The following CARD6 variants were observed in gnomAD, a reference collection of about 807,000 sequenced individuals.
CARD6 encodes caspase recruitment domain-containing protein 6.
A neutral mutation model predicts 23.6 loss-of-function variants in CARD6; 27 were observed. That is an observed-to-expected ratio of 1.14 (90% CI 0.84 to 1.58). CARD6 has a LOEUF of 1.58. Ranked by LOEUF, CARD6 falls within the 40% of genes most tolerant of loss-of-function variation. CARD6 has a pLI of 0.00. For synonymous variants in CARD6, 397 were observed against 431.8 expected, an observed-to-expected ratio of 0.92 and a Z score of 1.00; for missense variants, 1,214 against 1,209.9, an observed-to-expected ratio of 1.00 and a Z score of -0.05.
At chr5:40,850,721 CAA>C (rs34372703) in intron 2 of CARD6, among the ~76,000 whole-genome samples, 35 of 46,534 alleles carry the variant, frequency 7.5e-4, no homozygotes, top group African/African-American at 2.8e-3. Context: ...ACTCCGTCTC[CAA>C]AAAAAAAAAA....
At position 40,853,627 on chromosome 5, in the gene CARD6, G is replaced by T. The variant is rs780955753; in HGVS notation, c.2295G>T (p.Trp765Cys). ...RPFGSEQRPK[W>C]FHPLPFQNAG... ...TTGGGTCAGAGCAGAGGCCTAAGTG[G>T]TTCCATCCTTTGCCTTTTCAGAATG... Residue 765 changes from tryptophan (W) to cysteine (C), a missense_variant, in exon 3 of 3, where the codon TGG (tryptophan) becomes TGT (cysteine). Transcript: ENST00000254691. 1 of 1,614,246 alleles carries T rather than the reference G, an allele frequency of 6.2e-7. No individual in the cohort carries two copies. The highest frequency in any genetic ancestry group is 1.1e-5 in the South Asian group (1 of 91,088).
chr5:40,851,858 T>A (rs921200837), intron 2 of CARD6, among the ~76,000 whole-genome samples: 8 of 151,826 alleles, frequency 5.3e-5, no homozygotes, highest in African/African-American at 9.7e-5. Flanking sequence ...ATTTTAAAAG[T>A]CAGGCTGGGC....
chr5:40,852,485 T>C lies in CARD6; in HGVS notation c.1153T>C (p.Cys385Arg), dbSNP rs1746085889. ...TGACGTGCTTTGTGCCACCATGCTG[T>C]GTTCAGATAGCTCTTTGCAACGCCA... ...PLDVLCATML[C>R]SDSSLQRQVM... Residue 385 changes from cysteine (C) to arginine (R), a missense_variant, in exon 3 of 3, where the codon TGT (cysteine) becomes CGT (arginine). Transcript: ENST00000254691. The C allele has an allele frequency of 6.2e-7, 1 of 1,614,198 alleles. No individual in the cohort carries two copies. Among genetic ancestry groups the C allele is most frequent in the Non-Finnish European group, 8.5e-7 (1 of 1,180,020 alleles).
rs1237609562 is a variant in CARD6 at position 40,852,429 on chromosome 5, A to G, written c.1097A>G (p.Glu366Gly). 1 of 1,614,014 alleles carries G rather than the reference A, an allele frequency of 6.2e-7. No homozygotes were observed. Among genetic ancestry groups the G allele is most frequent in the African/African-American group, 1.3e-5 (1 of 74,908 alleles). The change falls in exon 3 of 3, where the codon GAA becomes GGA. Residue 366 changes from glutamate (E) to glycine (G), a missense_variant. By Grantham distance (98) the Glu-to-Gly change is moderately conservative (BLOSUM62 -2). Transcript: ENST00000254691. ...TTGCTGGCTGGAGTGGAGAATTTGG[A>G]AATTCGAGACATACAAACCATTAAT... is the stretch of plus-strand genomic sequence containing the variant. ...EDLLAGVENL[E>G]IRDIQTINPL...
rs139926562 is a variant in CARD6 at position 40,853,454 on chromosome 5, C to A, written c.2122C>A (p.Gln708Lys). Residue 708 changes from glutamine to lysine, a missense_variant, in exon 3 of 3, where the codon CAA becomes AAA. Gln to Lys is a moderately conservative substitution (Grantham distance 53). Transcript: ENST00000254691. The part of the protein sequence containing the change: ...ALMPIQEPGT[Q>K]CELSQNLQNL... The stretch of plus-strand genomic sequence containing the variant: ...AATGCCAATTCAAGAGCCTGGGACT[C>A]AATGTGAGCTCAGCCAGAATCTTCA... The A allele has an allele frequency of 1.2e-6, 2 of 1,614,078 alleles. No homozygotes were observed. Among genetic ancestry groups the A allele is most frequent in the Admixed American group, 1.7e-5 (1 of 60,004 alleles).
chr5:40,852,370 T>C lies in CARD6; in HGVS notation c.1038T>C (p.Ser346=). The change falls in exon 3 of 3, where the codon AGT becomes AGC. Residue 346 remains serine (S), a synonymous_variant. Transcript: ENST00000254691. ...RDVTARDSIL[S]HKVLDEDSKE... is the part of the protein sequence containing the mutation. ...TGACGGCTAGGGATTCAATCCTCAG[T>C]CACAAGGTTCTGGATGAAGATAGCA... is the stretch of plus-strand genomic sequence containing the variant. 1 of 1,614,062 alleles carries C rather than the reference T, an allele frequency of 6.2e-7. No individual in the cohort carries two copies. Among genetic ancestry groups the C allele is most frequent in the South Asian group, 1.1e-5 (1 of 91,066 alleles).
rs777712598 is a variant in CARD6 at position 40,852,722 on chromosome 5, A to C, written c.1390A>C (p.Ser464Arg). The C allele has an allele frequency of 6.2e-7, 1 of 1,613,756 alleles. No homozygotes were observed. The highest frequency in any genetic ancestry group is 8.5e-7 in the Non-Finnish European group (1 of 1,179,826). The change falls in exon 3 of 3, where the codon AGC (serine) becomes CGC (arginine). Residue 464 changes from serine (S) to arginine (R), a missense_variant. Coordinates refer to ENST00000254691, the MANE Select transcript of CARD6 (RefSeq NM_032587.4). ...CTCTTTTGTGCGTCTAGGATACTGT[A>C]GCTTCTCTAAGTCCAGAATCCTCAA... ...VISFVRLGYCSFSKSRILNTL... is the reference protein window; with the variant it reads ...VISFVRLGYCRFSKSRILNTL...
rs183781648 is a variant in CARD6, at chr5:40,843,694, G to C, written c.826G>C (p.Glu276Gln). 9.1e-6 allele frequency: 14 copies of C among 1,543,394 alleles called. No individual in the cohort carries two copies. The African/African-American group carries it at 1.1e-4, about 12-fold the overall frequency. ...ETSLSLEEEQ[E>Q]KSIEERKKVF... ...CAGCCTTTCATTGGAGGAGGAACAG[G>C]AGAAAAGTATAGAAGGTATGGAAAT... Residue 276 changes from glutamate to glutamine, a missense_variant, in exon 2 of 3, where the codon GAG becomes CAG. By Grantham distance (29) the Glu-to-Gln change is conservative (BLOSUM62 2). Coordinates refer to ENST00000254691, the MANE Select transcript of CARD6 (RefSeq NM_032587.4).
intron 1 of CARD6, among the ~76,000 whole-genome samples, 157 bp downstream of exon 1, chr5:40,841,822 A>C (rs1190914828): frequency 1.3e-5 from 2 of 152,234 alleles, no homozygotes; most frequent in Non-Finnish European, 2.9e-5. Flanking sequence ...ACTGGAATTT[A>C]AAAAGTTTCT....
chr5:40,843,151 G>T lies in CARD6; in HGVS notation c.284-1G>T. ...GGGAAAAACAATTCTTTTCTTTGCA[G>T]AAGTTTTAAAACATGAGAATACAGT... On this transcript the variant is annotated splice_acceptor_variant, in intron 1 of 2. Transcript: ENST00000254691. LOFTEE classifies it high-confidence loss of function. The T allele has an allele frequency of 6.4e-7, 1 of 1,562,976 alleles. No homozygotes were observed. The highest frequency in any genetic ancestry group is 8.6e-7 in the Non-Finnish European group (1 of 1,160,326).
rs1049025549 is a variant in CARD6, at chr5:40,852,673, G to A, written c.1341G>A (p.Leu447=). ...CTACAGAGGATACAGAAAAGTTTCT[G>A]ACTCTCATGAAGATGCCTGTCATCT... ...GGPTEDTEKF[L]TLMKMPVISF... The change falls in exon 3 of 3, where the codon CTG becomes CTA. Residue 447 remains leucine (L), a synonymous_variant. Coordinates refer to ENST00000254691, the MANE Select transcript of CARD6 (RefSeq NM_032587.4). 12 of 1,614,048 alleles carry A rather than the reference G, an allele frequency of 7.4e-6. No individual in the cohort carries two copies. The highest frequency in any genetic ancestry group is 3.3e-5 in the Admixed American group (2 of 59,994).
At chr5:40,843,068 G>A (rs1745891969) in intron 1 of CARD6, 84 bp from the exon 2 acceptor site, 1 of 816,016 alleles carries the variant, frequency 1.2e-6, no homozygotes, top group Middle Eastern at 3.7e-4. Context: ...AAAAGGAGAG[G>A]GATGAAGCTT....
intron 2 of CARD6, among the ~76,000 whole-genome samples, chr5:40,846,864 AG>A (rs1188029213): frequency 1.2e-4 from 18 of 152,142 alleles, no homozygotes; most frequent in Non-Finnish European, 2.1e-4. Flanking sequence ...TATCTTTTTG[AG>A]GGGGACAAAA....
chr5:40,850,670 C>A (rs370184175), intron 2 of CARD6, among the ~76,000 whole-genome samples: 1 of 127,856 alleles, frequency 7.8e-6, no homozygotes, highest in East Asian at 2.5e-4. Context: ...TGCAGTGAGC[C>A]GAGATCGAGC....
Position 40,853,065 on chromosome 5 carries a change from G to A in CARD6, c.1733G>A (p.Arg578Lys). The A allele has an allele frequency of 6.2e-7, 1 of 1,614,150 alleles. No homozygotes were observed. Among genetic ancestry groups the A allele is most frequent in the Middle Eastern group, 1.6e-4 (1 of 6,062 alleles). ...LMFLGEAAIE[R>K]CYFVLSSQAR... ...TTTTTAGGAGAGGCTGCCATTGAAA[G>A]ATGCTACTTTGTTCTCAGTTCCCAA... The change falls in exon 3 of 3, where the codon AGA becomes AAA. Residue 578 changes from arginine (R) to lysine (K), a missense_variant. Arg to Lys is a conservative substitution (Grantham distance 26). Coordinates refer to ENST00000254691, the MANE Select transcript of CARD6 (RefSeq NM_032587.4).
At chr5:40,852,025 T>C (rs1172182601) in intron 2 of CARD6, 149 bp from the exon 3 acceptor site, 2 of 591,060 alleles carry the variant, frequency 3.4e-6, no homozygotes, top group African/African-American at 3.8e-5. Context: ...CTTGGGAGGC[T>C]AAGATGGTAG....
chr5:40,845,388 A>G (rs752832588), intron 2 of CARD6, among the ~76,000 whole-genome samples: 10 of 152,160 alleles, frequency 6.6e-5, no homozygotes, highest in Non-Finnish European at 7.3e-5. Flanking sequence ...AAAACTAATT[A>G]CATCTGCAAT....
intron 2 of CARD6, among the ~76,000 whole-genome samples, chr5:40,845,566 T>G (rs1341296920): frequency 6.6e-6 from 1 of 152,166 alleles, no homozygotes; most frequent in African/African-American, 2.4e-5. Context: ...TTTATTTATT[T>G]TAGTTGGTGC....
In CARD6 at chr5:40,854,524, A is replaced by G; in HGVS notation, c.*78A>G. On this transcript the variant is annotated 3_prime_UTR_variant, in exon 3 of 3. Transcript: ENST00000254691. ...TCATATAGTAAGCAGAAGAGTTGCC[A>G]TGAAAGTAAAAGACTACTGTCATTA... 2 of 1,169,894 alleles carry G rather than the reference A, an allele frequency of 1.7e-6. No individual in the cohort carries two copies. The highest frequency in any genetic ancestry group is 2.5e-6 in the Non-Finnish European group (2 of 812,234). The allele number at this position is 1,169,894 out of a possible 1,614,324, so 72.5% of individuals were successfully genotyped here. A position where few individuals can be genotyped will look rare whatever the true frequency, so the allele number is the denominator to read the frequency against.
Sources: allele counts gnomAD v4.1 joint callset (sites outside exome capture counted in the v4.1 genomes callset), GRCh38; gene constraint gnomAD v4.1.1; transcripts MANE v1.5; gene names NCBI Gene and HGNC (gene_info 2026-07-23, HGNC 2026-07-21).